Variants in IQUB observed in about 807,000 individuals in gnomAD.
IQUB encodes the protein IQ motif and ubiquitin domain containing, also known as IQ motif and ubiquitin-like domain-containing protein.
A neutral mutation model predicts 86.4 loss-of-function variants in IQUB; 86 were observed. The observed-to-expected ratio is 1.00, with a 90% confidence interval of 0.84 to 1.19. The LOEUF (loss-of-function observed/expected upper bound fraction) is 1.19, where lower values mean the gene tolerates loss of function less well. IQUB is among the 50% of genes most tolerant of loss of function. IQUB has a pLI of 0.00. For synonymous variants in IQUB, 289 were observed against 304.5 expected (o/e 0.95, Z 0.53); for missense variants, 946 against 916.9 (o/e 1.03, Z -0.41).
intron 6 of IQUB, chr7:123,501,301 G>A (rs1584613765): frequency 6.6e-6 from 1 of 152,350 alleles, no homozygotes; most frequent in Non-Finnish European, 1.5e-5. Flanking sequence ...TGACATCATA[G>A]AGTCACCACC....
chr7:123,452,762 G>C lies in IQUB; in HGVS notation c.2357C>G (p.Ser786Cys). 6.2e-7 allele frequency: 1 copy of C among 1,612,378 alleles called. No homozygotes were observed. Among genetic ancestry groups the C allele is most frequent in the East Asian group, 2.2e-5 (1 of 44,838 alleles). The change falls in exon 13 of 13, where the codon TCC becomes TGC. Residue 786 changes from serine (S) to cysteine (C), a missense_variant. By Grantham distance (112) the Ser-to-Cys change is moderately radical (BLOSUM62 -1). Coordinates refer to ENST00000324698, the MANE Select transcript of IQUB (RefSeq NM_178827.5). ...HSDTTPKIIE[S>C]QRPPH ...GATCACCTAATGAGGAGGCCTCTGG[G>C]ATTCTATAATCTTAGGTGTTGTGTC...
chr7:123,511,736 T>C (rs1796422561), intron 2 of IQUB, among the ~76,000 whole-genome samples: 1 of 152,188 alleles, frequency 6.6e-6, no homozygotes, highest in South Asian at 2.1e-4. Flanking sequence ...TGCTCATTCA[T>C]TGACGAAAAA....
chr7:123,534,556 T>A lies in IQUB; in HGVS notation c.-69A>T, dbSNP rs530210339. 6.5e-6 allele frequency: 1 copy of A among 153,760 alleles called. No homozygotes were observed. Among genetic ancestry groups the A allele is most frequent in the African/African-American group, 2.4e-5 (1 of 41,564 alleles). 9.5% of individuals were successfully genotyped at this position (153,760 alleles called of 1,614,324 possible). A position where few individuals can be genotyped will look rare whatever the true frequency, so the allele number is the denominator to read the frequency against. On this transcript the variant is annotated 5_prime_UTR_variant, in exon 1 of 13. It removes an upstream start codon present in the reference 5' UTR. Coordinates refer to ENST00000324698, the MANE Select transcript of IQUB (RefSeq NM_178827.5). ...CCAGGCTCCTAAGACGCAGCTTCCA[T>A]ACTCGCCGCGTTCTCAGCTGTTGGT...
At chr7:123,517,423 C>A (rs566173975) in intron 1 of IQUB, among the ~76,000 whole-genome samples, 1 of 142,906 alleles carries the variant, frequency 7.0e-6, no homozygotes, top group Admixed American at 7.4e-5. Flanking sequence ...CCCAGCTACT[C>A]GGGAGGCTGA....
At chr7:123,464,607 G>A (rs1321183348) in intron 10 of IQUB, among the ~76,000 whole-genome samples, 2 of 151,888 alleles carry the variant, frequency 1.3e-5, no homozygotes, top group Non-Finnish European at 2.9e-5. Flanking sequence ...TGGAAAGTTG[G>A]TGAAGAGATT....
chr7:123,496,977 T>C, intron 6 of IQUB, 71 bp from the exon 7 acceptor site: 2 of 905,596 alleles, frequency 2.2e-6, no homozygotes, highest in Non-Finnish European at 3.3e-6. Context: ...AAGGCAATGA[T>C]GATTATTTCA....
intron 1 of IQUB, among the ~76,000 whole-genome samples, chr7:123,520,703 G>A (rs1306382697): frequency 2.0e-5 from 3 of 152,146 alleles, no homozygotes; most frequent in Non-Finnish European, 2.9e-5. Flanking sequence ...GTGGAAGGTA[G>A]GGGAGTGGGA....
chr7:123,472,281 AAGAAAG>A (rs1248908302), intron 8 of IQUB, among the ~76,000 whole-genome samples: 1 of 152,218 alleles, frequency 6.6e-6, no homozygotes, highest in East Asian at 1.9e-4. Flanking sequence ...GAAATAAAGA[AAGAAAG>A]AGAAAGAAAT....
intron 1 of IQUB, among the ~76,000 whole-genome samples, chr7:123,519,438 T>A (rs1191134402): frequency 6.6e-6 from 1 of 152,176 alleles, no homozygotes; most frequent in African/African-American, 2.4e-5. Context: ...ATGTGGCATG[T>A]ATACACACAA....
At chr7:123,491,171 G>GA (rs1369499552) in intron 7 of IQUB, among the ~76,000 whole-genome samples, 2 of 152,072 alleles carry the variant, frequency 1.3e-5, no homozygotes, top group African/African-American at 4.8e-5. Flanking sequence ...TGAACTGAAA[G>GA]AAAATTTCAA....
intron 11 of IQUB, among the ~76,000 whole-genome samples, chr7:123,460,122 A>T (rs1027077996): frequency 1.3e-5 from 2 of 151,952 alleles, no homozygotes; most frequent in African/African-American, 4.8e-5. Flanking sequence ...CTAGTTTTCA[A>T]TCCTGGTGCT....
In IQUB at chr7:123,459,675, A is replaced by G. The variant is rs182619509; in HGVS notation, c.2007+1682T>C. 6.6e-5 allele frequency: 10 copies of G among 151,968 alleles called. No homozygotes were observed. In the East Asian group the frequency reaches 1.9e-3, roughly 29 times the overall value. The allele number at this position is 151,968 out of a possible 1,614,324, so 9.4% of individuals were successfully genotyped here. A position where few individuals can be genotyped will look rare whatever the true frequency, so the allele number is the denominator to read the frequency against. ...ATAACATATATGTATAACATTTTCT[A>G]TTGGTTCTGTTTCTCAGGAGAAATC... is the stretch of plus-strand genomic sequence containing the variant. On this transcript the variant is annotated intron_variant, in intron 11 of 12. Transcript: ENST00000324698.
rs1378011972 is a variant in IQUB at position 123,457,232 on chromosome 7, T to C, written c.2193+149A>G. ...TATTTAATCTGTGCCATATATGCCA[T>C]CCATAAATTTTTTTGTTGTTAATCC... is the stretch of plus-strand genomic sequence containing the variant. On this transcript the variant is annotated intron_variant, in intron 12 of 12. Coordinates refer to ENST00000324698, the MANE Select transcript of IQUB (RefSeq NM_178827.5). The C allele has an allele frequency of 5.0e-6, 7 of 1,411,342 alleles. No homozygotes were observed. In the East Asian group the frequency reaches 1.8e-4, roughly 37 times the overall value. 87.4% of individuals were successfully genotyped at this position (1,411,342 alleles called of 1,614,324 possible). A position where few individuals can be genotyped will look rare whatever the true frequency, so the allele number is the denominator to read the frequency against.
intron 1 of IQUB, among the ~76,000 whole-genome samples, chr7:123,518,257 G>A (rs1275671040): frequency 6.6e-6 from 1 of 151,756 alleles, no homozygotes; most frequent in Admixed American, 6.6e-5. Context: ...TATTTTGACA[G>A]TACTACTGCA....
chr7:123,479,098 A>G (rs897835001), intron 8 of IQUB, among the ~76,000 whole-genome samples: 4 of 152,140 alleles, frequency 2.6e-5, no homozygotes, highest in Admixed American at 1.3e-4. Flanking sequence ...AATAAGAACC[A>G]TAGAAATAGA....
intron 8 of IQUB, among the ~76,000 whole-genome samples, chr7:123,473,586 T>C (rs1282556642): frequency 6.6e-6 from 1 of 152,180 alleles, no homozygotes; most frequent in Non-Finnish European, 1.5e-5. Flanking sequence ...TTTTTGTTTT[T>C]TGTTTTTCTG....
At chr7:123,511,907 T>G in intron 2 of IQUB, 37 bp downstream of exon 2, 27 of 1,447,042 alleles carry the variant, frequency 1.9e-5, no homozygotes, top group Non-Finnish European at 2.3e-5. Flanking sequence ...TTCTTCAAAA[T>G]GAGAAAATGA....
intron 1 of IQUB, among the ~76,000 whole-genome samples, chr7:123,519,730 A>C (rs1174463077): frequency 6.6e-6 from 1 of 152,192 alleles, no homozygotes; most frequent in African/African-American, 2.4e-5. Flanking sequence ...TCTATGTTTG[A>C]TAGCACCGTA....
At chr7:123,530,253 T>A (rs1797464995) in intron 1 of IQUB, among the ~76,000 whole-genome samples, 1 of 150,732 alleles carries the variant, frequency 6.6e-6, no homozygotes, top group Non-Finnish European at 1.5e-5. Context: ...CCGGCCAACA[T>A]GGTGAAACCC....
Sources: allele counts gnomAD v4.1 joint callset (sites outside exome capture counted in the v4.1 genomes callset), GRCh38; gene constraint gnomAD v4.1.1; transcripts MANE v1.5; gene names NCBI Gene and HGNC (gene_info 2026-07-23, HGNC 2026-07-21).